SCAPER: variants seen among roughly 807,000 people sequenced by gnomAD.
The protein encoded by SCAPER is S-phase cyclin A associated protein in the ER.
In SCAPER, 98 loss-of-function variants were observed where a neutral mutation model predicts 182.2. That is an observed-to-expected ratio of 0.54 (90% confidence interval 0.46 to 0.64). The LOEUF (loss-of-function observed/expected upper bound fraction) is 0.64. SCAPER is among the 30% of genes least tolerant of loss of function. The pLI is 0.00. For missense variants in SCAPER, 1,432 were observed against 1,690.0 expected (o/e 0.85, Z 2.68); for synonymous variants, 605 against 564.6 (o/e 1.07, Z -1.01).
intron 1 of SCAPER, among the ~76,000 whole-genome samples, chr15:76,894,314 A>C (rs1029654633): frequency 1.6e-4 from 24 of 152,120 alleles, no homozygotes; most frequent in African/African-American, 5.8e-4. Flanking sequence ...AATCTCAGCT[A>C]GTCAGGAGAC....
At chr15:76,840,727 G>A (rs1018863821) in intron 5 of SCAPER, among the ~76,000 whole-genome samples, 1 of 152,164 alleles carries the variant, frequency 6.6e-6, no homozygotes, top group Non-Finnish European at 1.5e-5. Context: ...CTGTAAACAT[G>A]TATCACTCTG....
intron 15 of SCAPER, among the ~76,000 whole-genome samples, chr15:76,753,383 T>G (rs779234199): frequency 6.6e-6 from 1 of 151,900 alleles, no homozygotes; most frequent in African/African-American, 2.4e-5. Context: ...AGATACTGTA[T>G]GATTCCATGC....
chr15:76,490,630 C>T (rs1378979023), intron 24 of SCAPER, among the ~76,000 whole-genome samples: 1 of 151,996 alleles, frequency 6.6e-6, no homozygotes, highest in Non-Finnish European at 1.5e-5. Context: ...TGTGACAAAG[C>T]TTTTTATTTT....
chr15:76,350,514 G>A (rs905517492), intron 31 of SCAPER: 1 of 151,846 alleles, frequency 6.6e-6, no homozygotes, highest in African/African-American at 2.4e-5. Context: ...TCAAACTAAT[G>A]GAAGAATTGA....
chr15:76,603,969 T>TAA lies in SCAPER; in HGVS notation c.2711+17794_2711+17795insTT, dbSNP rs1471308968. On this transcript the variant is annotated intron_variant, in intron 22 of 31. Transcript: ENST00000563290. ...GTTGCAAAAATCTTCTCCCATTCTG[T>TAA]AGGTTGCCTGTTCAGTCTGATGGTA... Among the ~76,000 whole-genome samples, 40 of 121,798 alleles carry TAA rather than the reference T, an allele frequency of 3.3e-4. 9 individuals are homozygous for TAA. The highest frequency in any genetic ancestry group is 1.6e-4 in the Non-Finnish European group (8 of 50,084). The allele number at this position is 121,798 out of a possible 152,430, so 79.9% of individuals were successfully genotyped here. A position where few individuals can be genotyped will look rare whatever the true frequency, so the allele number is the denominator to read the frequency against.
intron 4 of SCAPER, among the ~76,000 whole-genome samples, chr15:76,847,089 A>G (rs1340453396): frequency 6.6e-6 from 1 of 152,232 alleles, no homozygotes; most frequent in African/African-American, 2.4e-5. Flanking sequence ...GAAATAAGCC[A>G]GGCACAGAAA....
chr15:76,740,510 A>G (rs1486487469), intron 15 of SCAPER, among the ~76,000 whole-genome samples: 5 of 152,172 alleles, frequency 3.3e-5, no homozygotes, highest in African/African-American at 7.2e-5. Context: ...TACAAGAAAG[A>G]AAATTCAGTG....
chr15:76,563,154 G>A (rs909617304), intron 23 of SCAPER, among the ~76,000 whole-genome samples: 19 of 152,030 alleles, frequency 1.2e-4, no homozygotes, highest in Non-Finnish European at 1.9e-4. Flanking sequence ...AAACAGGAGC[G>A]GACAAAAGGG....
intron 19 of SCAPER, among the ~76,000 whole-genome samples, chr15:76,702,535 C>A (rs539485715): frequency 1.3e-5 from 2 of 152,216 alleles, no homozygotes; most frequent in East Asian, 3.9e-4. Context: ...GCAACCTCCA[C>A]CTCCTGGGTT....
At chr15:76,575,654 T>A (rs1179089928) in intron 22 of SCAPER, among the ~76,000 whole-genome samples, 1 of 152,220 alleles carries the variant, frequency 6.6e-6, no homozygotes, top group African/African-American at 2.4e-5. Context: ...ATCTTTTCCT[T>A]CTGAAATGCT....
intron 5 of SCAPER, among the ~76,000 whole-genome samples, chr15:76,820,053 C>G (rs2067405861): frequency 6.6e-6 from 1 of 152,130 alleles, no homozygotes. Context: ...CATCTCACAC[C>G]AGTTTGAATG....
chr15:76,708,317 G>A (rs2059374472), intron 17 of SCAPER, among the ~76,000 whole-genome samples: 1 of 152,094 alleles, frequency 6.6e-6, no homozygotes, highest in South Asian at 2.1e-4. Flanking sequence ...ATCTGCAGAT[G>A]TGGAACCTCT....
intron 24 of SCAPER, among the ~76,000 whole-genome samples, chr15:76,496,804 A>G (rs1481854809): frequency 6.6e-6 from 1 of 152,210 alleles, no homozygotes; most frequent in East Asian, 1.9e-4. Context: ...TTGAAAAACA[A>G]CTATGAGGAC....
intron 24 of SCAPER, among the ~76,000 whole-genome samples, chr15:76,494,707 A>G (rs1397147932): frequency 6.6e-6 from 1 of 152,104 alleles, no homozygotes; most frequent in African/African-American, 2.4e-5. Context: ...ACTCTTAAAT[A>G]ATTTAATTGT....
chr15:76,498,291 G>T (rs1043977536), intron 24 of SCAPER: 1 of 152,112 alleles, frequency 6.6e-6, no homozygotes, highest in Non-Finnish European at 1.5e-5. Context: ...GAAGGAAAAC[G>T]CTAGAAAATA....
chr15:76,820,762 G>GAA (rs1001251198), intron 5 of SCAPER, among the ~76,000 whole-genome samples: 1 of 143,194 alleles, frequency 7.0e-6, no homozygotes, highest in African/African-American at 2.6e-5. Flanking sequence ...TTTTAAAAAA[G>GAA]AAAAAAAAAA....
chr15:76,416,236 A>G (rs1437153240), intron 26 of SCAPER, among the ~76,000 whole-genome samples: 1 of 151,986 alleles, frequency 6.6e-6, no homozygotes, highest in East Asian at 1.9e-4. Context: ...GCACTTTGGA[A>G]GGCCGAGGCA....
At chr15:76,809,881 AG>A (rs1301304834) in intron 5 of SCAPER, among the ~76,000 whole-genome samples, 2 of 152,154 alleles carry the variant, frequency 1.3e-5, no homozygotes, top group African/African-American at 4.8e-5. Context: ...TTACACACAC[AG>A]GGGCCCCCAT....
intron 1 of SCAPER, among the ~76,000 whole-genome samples, chr15:76,903,140 G>A (rs1454273180): frequency 1.3e-5 from 2 of 151,890 alleles, no homozygotes; most frequent in East Asian, 1.9e-4. Flanking sequence ...CATTCCTGCA[G>A]CTAAATGAAG....
Sources: allele counts gnomAD v4.1 joint callset (sites outside exome capture counted in the v4.1 genomes callset), GRCh38; gene constraint gnomAD v4.1.1; transcripts MANE v1.5; gene names NCBI Gene and HGNC (gene_info 2026-07-23, HGNC 2026-07-21).